Variants in BNC2 observed in about 807,000 individuals in gnomAD.
BNC2 encodes the protein zinc finger protein basonuclin-2.
Under a neutral mutation model 76.3 loss-of-function variants are expected in BNC2, and 20 were observed. That is an observed-to-expected ratio of 0.26 (90% CI 0.18 to 0.38). BNC2 has a LOEUF of 0.38. Ranked by LOEUF, BNC2 falls within the 10% of genes least tolerant of loss-of-function variation. The probability of loss-of-function intolerance (pLI) is 1.00; values close to 1 mark genes in which losing one functional copy is unlikely to be tolerated. For missense variants in BNC2, 1,382 were observed against 1,399.8 expected (o/e 0.99, Z 0.20); for synonymous variants, 582 against 514.8 (o/e 1.13, Z -1.77).
chr9:16,824,831 A>G (rs1414844529), intron 1 of BNC2, among the ~76,000 whole-genome samples: 1 of 152,196 alleles, frequency 6.6e-6, no homozygotes, highest in Non-Finnish European at 1.5e-5. Flanking sequence ...CACAGATACA[A>G]GAGGACTGTT....
At chr9:16,698,085 T>C (rs1438651657) in intron 3 of BNC2, among the ~76,000 whole-genome samples, 1 of 152,220 alleles carries the variant, frequency 6.6e-6, no homozygotes. Context: ...AATAGAGCCC[T>C]GCCTATTCCT....
rs571825247 is a variant in BNC2, at chr9:16,525,061, G to T, written c.669+27469C>A. Among the ~76,000 whole-genome samples the T allele has an allele frequency of 2.2e-3, 307 of 137,824 alleles. 1 individual carries two copies. The highest frequency in any genetic ancestry group is 0.018 in the Middle Eastern group (5 of 282). 90.4% of individuals were successfully genotyped at this position (137,824 alleles called of 152,430 possible). ...GCACTCCAGCTGGGTGACAGACAGA[G>T]ACCCGGAGTGGGGGAGGGGGGGGGA... On this transcript the variant is annotated intron_variant, in intron 5 of 6. Coordinates refer to ENST00000380672, the MANE Select transcript of BNC2 (RefSeq NM_017637.6).
rs555437432 is a variant in BNC2, at chr9:16,833,589, G to A, written c.3+37057C>T. On this transcript the variant is annotated intron_variant, in intron 1 of 6. Coordinates refer to ENST00000380672, the MANE Select transcript of BNC2 (RefSeq NM_017637.6). ...TCTCTGATGTTTTTCAAGTGTTACT[G>A]TCCTTGCAGGCCCATTATGGGGGCC... 3.9e-5 allele frequency among the ~76,000 whole-genome samples: 6 copies of A among 152,172 alleles called. No homozygotes were observed. The South Asian group carries it at 8.3e-4, about 21-fold the overall frequency.
chr9:16,838,933 G>A (rs73649048), intron 1 of BNC2, among the ~76,000 whole-genome samples: 2 of 152,150 alleles, frequency 1.3e-5, no homozygotes, highest in Non-Finnish European at 2.9e-5. Context: ...TATTGTATTG[G>A]TCTATGTGTG....
intron 5 of BNC2, among the ~76,000 whole-genome samples, chr9:16,536,500 C>T (rs548019754): frequency 3.9e-5 from 6 of 152,242 alleles, no homozygotes; most frequent in African/African-American, 1.2e-4. Flanking sequence ...CTCACAAAAA[C>T]ACAGCCTTTT....
intron 3 of BNC2, among the ~76,000 whole-genome samples, chr9:16,619,167 G>A (rs1394490288): frequency 6.6e-6 from 1 of 152,118 alleles, no homozygotes; most frequent in Non-Finnish European, 1.5e-5. Flanking sequence ...CTCTGTTCAG[G>A]AGGAAAAGGG....
At chr9:16,816,357 C>T (rs1199564099) in intron 1 of BNC2, among the ~76,000 whole-genome samples, 1 of 152,130 alleles carries the variant, frequency 6.6e-6, no homozygotes, top group Non-Finnish European at 1.5e-5. Context: ...ATGAAGGAAA[C>T]GAAGCTCAAT....
rs540268121 is a variant in BNC2 at position 16,459,450 on chromosome 9, G to A, written c.670-21926C>T. Among the ~76,000 whole-genome samples the A allele has an allele frequency of 7.2e-5, 11 of 152,268 alleles. 1 individual carries two copies. The highest frequency in any genetic ancestry group is 2.6e-4 in the African/African-American group (11 of 41,558). ...AAGGATTTTACTGAGGGTGGTGGGT[G>A]GGATTCGAAGGCTCTGGGCAAAATG... On this transcript the variant is annotated intron_variant, in intron 5 of 6. Transcript: ENST00000380672.
chr9:16,419,099 TG>T lies in BNC2; in HGVS notation c.3189del (p.His1063GlnfsTer10), dbSNP rs931472471. On this transcript the variant is annotated frameshift_variant, in exon 7 of 7. Transcript: ENST00000380672. LOFTEE classifies it high-confidence loss of function. ...ATATTGCAACCTGGGACTTTGCACT[TG>T]TGCATTTCTCTCAAATGCACAGTTT... ...HYKTVHLREM[H>X]KCKVPGCNMM... 1.2e-6 allele frequency: 2 copies of T among 1,614,118 alleles called. No homozygotes were observed. Among genetic ancestry groups the T allele is most frequent in the Non-Finnish European group, 1.7e-6 (2 of 1,180,048 alleles).
chr9:16,855,475 A>G (rs574806750), intron 1 of BNC2, among the ~76,000 whole-genome samples: 1 of 152,390 alleles, frequency 6.6e-6, no homozygotes, highest in South Asian at 2.1e-4. Context: ...GAAGGCAATT[A>G]GAAGTCCCAT....
rs1397303464 is a variant in BNC2, at chr9:16,416,741, C to T, written c.*2248G>A. On this transcript the variant is annotated 3_prime_UTR_variant, in exon 7 of 7. Transcript: ENST00000380672. ...CTGAAGGAGGTGAAAAGATAAAGCTCCTAGACATAGCTAGCTTATCTTTAA... is the reference window on the plus strand; with the variant it reads ...CTGAAGGAGGTGAAAAGATAAAGCTTCTAGACATAGCTAGCTTATCTTTAA... 1 of 152,558 alleles carries T rather than the reference C, an allele frequency of 6.6e-6. No homozygotes were observed. Among genetic ancestry groups the T allele is most frequent in the African/African-American group, 2.4e-5 (1 of 41,422 alleles). 9.5% of individuals were successfully genotyped at this position (152,558 alleles called of 1,614,324 possible).
intron 5 of BNC2, among the ~76,000 whole-genome samples, chr9:16,444,021 T>TCACACA (rs1327960951): frequency 6.6e-6 from 1 of 152,172 alleles, no homozygotes; most frequent in African/African-American, 2.4e-5. Flanking sequence ...GCTTGAACTC[T>TCACACA]CACACACATA....
intron 1 of BNC2, among the ~76,000 whole-genome samples, chr9:16,821,031 G>A (rs1343387060): frequency 6.6e-6 from 1 of 151,882 alleles, no homozygotes; most frequent in Admixed American, 6.6e-5. Context: ...CCAGGAATTC[G>A]AGACCAGCCT....
chr9:16,553,705 T>C (rs1818734822), intron 4 of BNC2, among the ~76,000 whole-genome samples: 2 of 152,154 alleles, frequency 1.3e-5, no homozygotes, highest in South Asian at 4.1e-4. Context: ...TCCTCAAATT[T>C]AAGAAACGCC....
At chr9:16,750,872 T>C (rs1196943044) in intron 1 of BNC2, among the ~76,000 whole-genome samples, 1 of 152,210 alleles carries the variant, frequency 6.6e-6, no homozygotes, top group African/African-American at 2.4e-5. Context: ...GATGAATAAA[T>C]GAATGATTAC....
intron 3 of BNC2, among the ~76,000 whole-genome samples, chr9:16,651,944 C>T (rs1453862011): frequency 6.6e-6 from 1 of 152,180 alleles, no homozygotes; most frequent in African/African-American, 2.4e-5. Context: ...GTGTTCAGAT[C>T]TTAAACCATT....
chr9:16,799,311 T>TTGTA (rs1817728895), intron 1 of BNC2, among the ~76,000 whole-genome samples: 1 of 152,034 alleles, frequency 6.6e-6, no homozygotes, highest in African/African-American at 2.4e-5. Context: ...TTACTTTCTA[T>TTGTA]TTTATTTATT....
rs185918792 is a variant in BNC2 at position 16,838,803 on chromosome 9, A to T, written c.3+31843T>A. 2.0e-4 allele frequency among the ~76,000 whole-genome samples: 30 copies of T among 152,322 alleles called. No individual in the cohort carries two copies. The East Asian group carries it at 5.8e-3, about 29-fold the overall frequency. On this transcript the variant is annotated intron_variant, in intron 1 of 6. Coordinates refer to ENST00000380672, the MANE Select transcript of BNC2 (RefSeq NM_017637.6). ...ATTCAACATTATTTATAGTGTACTT[A>T]TTGTATGCGTGGCTTATGCTAGGTT...
rs1270479135 is a variant in BNC2, at chr9:16,412,002, C to T, written c.*6987G>A. On this transcript the variant is annotated 3_prime_UTR_variant, in exon 7 of 7. Coordinates refer to ENST00000380672, the MANE Select transcript of BNC2 (RefSeq NM_017637.6). ...ACCATCATTTGAGTATTTCAATATA[C>T]AAAAATAGCAGCCAATCTTTGGGCT... 6.6e-6 allele frequency: 1 copy of T among 152,360 alleles called. No homozygotes were observed. Among genetic ancestry groups the T allele is most frequent in the African/African-American group, 2.4e-5 (1 of 41,422 alleles). The allele number at this position is 152,360 out of a possible 1,614,324, so 9.4% of individuals were successfully genotyped here.
Sources: gnomAD v4.1 joint callset for allele counts (sites outside exome capture counted in the v4.1 genomes callset) on GRCh38, gnomAD v4.1.1 for gene constraint, MANE v1.5 for transcripts, NCBI Gene and HGNC (gene_info 2026-07-23, HGNC 2026-07-21) for gene names.